The following MAD1L1 variants were observed in gnomAD, a reference collection of about 807,000 sequenced individuals.
The protein encoded by MAD1L1 is mitotic spindle assembly checkpoint protein MAD1.
MAD1L1 carries 95 observed loss-of-function variants against 96.9 expected under a neutral mutation model. The observed-to-expected ratio is 0.98, with a 90% CI of 0.83 to 1.16. The LOEUF (loss-of-function observed/expected upper bound fraction) is 1.16, where lower values mean the gene tolerates loss of function less well. Ranked by LOEUF, MAD1L1 falls within the 50% of genes most tolerant of loss-of-function variation. The probability of loss-of-function intolerance (pLI) is 0.00; values close to 1 mark genes in which losing one functional copy is unlikely to be tolerated. For synonymous variants in MAD1L1, 473 were observed against 396.6 expected, an observed-to-expected ratio of 1.19 and a Z score of -2.29; for missense variants, 1,007 against 954.4, an observed-to-expected ratio of 1.06 and a Z score of -0.73.
At chr7:2,222,134 T>C (rs1209034606) in intron 5 of MAD1L1, among the ~76,000 whole-genome samples, 2 of 151,442 alleles carry the variant, frequency 1.3e-5, no homozygotes, top group Admixed American at 6.6e-5. Context: ...AGTGCAATGG[T>C]GTGATCTGAG....
At chr7:1,910,076 G>C (rs1486764441) in intron 17 of MAD1L1, among the ~76,000 whole-genome samples, 1 of 152,124 alleles carries the variant, frequency 6.6e-6, no homozygotes, top group Admixed American at 6.5e-5. Flanking sequence ...ACCAGATTAC[G>C]GGGTGGGAGA....
chr7:2,076,041 G>A (rs557552883), intron 11 of MAD1L1, among the ~76,000 whole-genome samples: 2 of 152,238 alleles, frequency 1.3e-5, no homozygotes, highest in Admixed American at 6.5e-5. Flanking sequence ...GGTCTAAGGC[G>A]AAGCAGTTGT....
At chr7:1,999,817 G>A (rs1382987768) in intron 14 of MAD1L1, among the ~76,000 whole-genome samples, 2 of 152,208 alleles carry the variant, frequency 1.3e-5, no homozygotes, top group African/African-American at 4.8e-5. Flanking sequence ...GCCGGCCGCA[G>A]GGCCCAGGGC....
At chr7:1,938,737 GGCGC>G (rs529152263) in intron 16 of MAD1L1, among the ~76,000 whole-genome samples, 2 of 104,818 alleles carry the variant, frequency 1.9e-5, no homozygotes, top group African/African-American at 3.6e-5. Context: ...TGGGGCCAGA[GGCGC>G]GCACGCACAC....
At chr7:1,950,060 G>A (rs1779416387) in intron 16 of MAD1L1, among the ~76,000 whole-genome samples, 1 of 150,024 alleles carries the variant, frequency 6.7e-6, no homozygotes. Flanking sequence ...CTACTTGAGG[G>A]GACAGCAGAG....
intron 15 of MAD1L1, among the ~76,000 whole-genome samples, chr7:1,963,366 C>T (rs1041863201): frequency 6.6e-6 from 1 of 152,114 alleles, no homozygotes; most frequent in African/African-American, 2.4e-5. Flanking sequence ...CCAGAAGACT[C>T]GACAGCCGCC....
intron 11 of MAD1L1, among the ~76,000 whole-genome samples, chr7:2,099,276 A>G (rs1179992473): frequency 6.6e-6 from 1 of 152,058 alleles, no homozygotes; most frequent in Non-Finnish European, 1.5e-5. Context: ...TGCCCTGTGC[A>G]CTCCGGCGCC....
chr7:2,042,464 C>T (rs751781590), intron 12 of MAD1L1, among the ~76,000 whole-genome samples: 1 of 152,340 alleles, frequency 6.6e-6, no homozygotes, highest in Admixed American at 6.5e-5. Context: ...CTAAAATACA[C>T]CCAATGATGG....
intron 10 of MAD1L1, among the ~76,000 whole-genome samples, chr7:2,158,329 C>T (rs1449815871): frequency 6.6e-6 from 1 of 152,082 alleles, no homozygotes; most frequent in African/African-American, 2.4e-5. Flanking sequence ...CCAGTTTCAC[C>T]GAGTCTGAAA....
At chr7:2,005,722 G>C (rs538406163) in intron 13 of MAD1L1, among the ~76,000 whole-genome samples, 159 of 152,258 alleles carry the variant, frequency 1.0e-3, no homozygotes, top group African/African-American at 3.6e-3. Flanking sequence ...GATCTCTTGA[G>C]ACCAAGAGGT....
intron 18 of MAD1L1, among the ~76,000 whole-genome samples, chr7:1,858,070 T>C (rs905430427): frequency 1.5e-4 from 23 of 152,254 alleles, no homozygotes; most frequent in African/African-American, 5.1e-4. Flanking sequence ...AATGCACGTT[T>C]CCATGTGACT....
intron 17 of MAD1L1, among the ~76,000 whole-genome samples, chr7:1,926,047 T>C (rs1182958596): frequency 1.3e-5 from 2 of 151,020 alleles, no homozygotes; most frequent in African/African-American, 4.9e-5. Flanking sequence ...AAAAAAGACA[T>C]AAACGACCAG....
intron 18 of MAD1L1, among the ~76,000 whole-genome samples, chr7:1,816,503 C>CCA (rs369100474): frequency 4.1e-4 from 63 of 152,276 alleles, no homozygotes; most frequent in African/African-American, 1.4e-3. Flanking sequence ...CAAGGGGCTG[C>CCA]CACCTTGCTC....
chr7:1,955,159 C>A (rs994241753), intron 16 of MAD1L1, among the ~76,000 whole-genome samples: 1 of 152,238 alleles, frequency 6.6e-6, no homozygotes, highest in African/African-American at 2.4e-5. Context: ...TAGTCAAGCC[C>A]CTCTCCAAGC....
At chr7:1,976,326 G>C (rs994571423) in intron 15 of MAD1L1, among the ~76,000 whole-genome samples, 2 of 152,162 alleles carry the variant, frequency 1.3e-5, no homozygotes, top group Non-Finnish European at 2.9e-5. Flanking sequence ...TCCGATGTTC[G>C]GACATGTTCG....
At chr7:2,060,035 G>A (rs187678802) in intron 12 of MAD1L1, among the ~76,000 whole-genome samples, 250 of 152,220 alleles carry the variant, frequency 1.6e-3, no homozygotes, top group Admixed American at 4.4e-3. Context: ...CACAAGATAC[G>A]CCGATGCCGA....
intron 11 of MAD1L1, among the ~76,000 whole-genome samples, chr7:2,070,640 T>C (rs1159466155): frequency 2.0e-5 from 3 of 152,202 alleles, no homozygotes; most frequent in African/African-American, 7.2e-5. Flanking sequence ...CACGACTCTA[T>C]TGAGTACCAC....
At chr7:2,165,028 A>G (rs962063257) in intron 10 of MAD1L1, among the ~76,000 whole-genome samples, 38 of 152,172 alleles carry the variant, frequency 2.5e-4, no homozygotes, top group Non-Finnish European at 5.1e-4. Context: ...CACAGATTCA[A>G]CGAAACAAAA....
At chr7:2,058,822 CAG>C (rs1357924739) in intron 12 of MAD1L1, among the ~76,000 whole-genome samples, 4 of 98,676 alleles carry the variant, frequency 4.1e-5, no homozygotes, top group South Asian at 4.3e-4. Context: ...GGAGTGTGGC[CAG>C]AGGAGAGAAG....
Sources: gnomAD v4.1 joint callset for allele counts (sites outside exome capture counted in the v4.1 genomes callset) on GRCh38, gnomAD v4.1.1 for gene constraint, MANE v1.5 for transcripts, NCBI Gene and HGNC (gene_info 2026-07-23, HGNC 2026-07-21) for gene names.